Variants in PPP3CB observed in about 807,000 individuals in gnomAD.
The protein encoded by PPP3CB is protein phosphatase 3 catalytic subunit beta, also known as serine/threonine-protein phosphatase 2B catalytic subunit beta isoform.
A neutral mutation model predicts 66.4 loss-of-function variants in PPP3CB; 8 were observed. The observed-to-expected ratio is 0.12, with a 90% CI of 0.07 to 0.22. The LOEUF is 0.22. Among genes scored for constraint, PPP3CB ranks in the 10% least tolerant of loss-of-function variants. PPP3CB has a pLI of 1.00. For synonymous variants in PPP3CB, 208 were observed against 221.2 expected (o/e 0.94, Z 0.53); for missense variants, 319 against 642.5 (o/e 0.50, Z 5.44).
At chr10:73,445,438 CA>C (rs1172369675) in intron 11 of PPP3CB, among the ~76,000 whole-genome samples, 1 of 152,178 alleles carries the variant, frequency 6.6e-6, no homozygotes, top group Non-Finnish European at 1.5e-5. Context: ...CTTCAGTATA[CA>C]AATATATAAA....
intron 4 of PPP3CB, among the ~76,000 whole-genome samples, chr10:73,472,553 G>A (rs1031662207): frequency 8.0e-5 from 12 of 150,686 alleles, no homozygotes; most frequent in Admixed American, 7.9e-4. Flanking sequence ...CACCTTTATC[G>A]GCCAAATAAG....
intron 1 of PPP3CB, among the ~76,000 whole-genome samples, chr10:73,489,675 T>C (rs1209326742): frequency 1.3e-5 from 2 of 152,246 alleles, no homozygotes; most frequent in African/African-American, 4.8e-5. Flanking sequence ...CTTGTGCTTT[T>C]AATCATCCAG....
intron 4 of PPP3CB, among the ~76,000 whole-genome samples, chr10:73,472,668 A>G (rs2056723066): frequency 6.6e-6 from 1 of 152,102 alleles, no homozygotes; most frequent in South Asian, 2.1e-4. Flanking sequence ...AGATGACTAC[A>G]TCATCACAAC....
intron 9 of PPP3CB, among the ~76,000 whole-genome samples, chr10:73,460,386 G>A (rs1242878112): frequency 6.6e-6 from 1 of 151,700 alleles, no homozygotes; most frequent in African/African-American, 2.4e-5. Context: ...AACTAGTACT[G>A]AGAATGTGAA....
At chr10:73,443,726 C>T (rs982843463) in intron 12 of PPP3CB, 2 of 152,026 alleles carry the variant, frequency 1.3e-5, no homozygotes, top group African/African-American at 4.8e-5. Context: ...AGTATTTACA[C>T]AAATATTTAC....
At chr10:73,487,851 C>G (rs1444632250) in intron 1 of PPP3CB, among the ~76,000 whole-genome samples, 3 of 151,250 alleles carry the variant, frequency 2.0e-5, no homozygotes, top group East Asian at 3.9e-4. Context: ...GAGATCTCAG[C>G]TCATGGCAAC....
chr10:73,474,519 G>T (rs973485291), intron 4 of PPP3CB, among the ~76,000 whole-genome samples: 6 of 151,634 alleles, frequency 4.0e-5, no homozygotes, highest in Non-Finnish European at 5.9e-5. Flanking sequence ...TATGACCTCC[G>T]ATTCCCAGGC....
chr10:73,470,550 T>C, intron 8 of PPP3CB, 137 bp downstream of exon 8: 1 of 530,980 alleles, frequency 1.9e-6, no homozygotes, highest in South Asian at 3.9e-5. Context: ...TATTGTTCTC[T>C]CCCCTCCATC....
At chr10:73,470,184 T>C (rs940676848) in intron 8 of PPP3CB, among the ~76,000 whole-genome samples, 3 of 149,802 alleles carry the variant, frequency 2.0e-5, no homozygotes, top group South Asian at 2.2e-4. Flanking sequence ...TGAAACTGAA[T>C]TAATTAAAAA....
At chr10:73,476,437 C>T (rs1301620221) in intron 3 of PPP3CB, among the ~76,000 whole-genome samples, 6 of 151,862 alleles carry the variant, frequency 4.0e-5, no homozygotes, top group Admixed American at 2.0e-4. Context: ...ACCAACATGG[C>T]GAAACTCCAT....
At position 73,438,219 on chromosome 10, in the gene PPP3CB, G is replaced by A. The variant is rs756907370; in HGVS notation, c.*23C>T. The A allele has an allele frequency of 3.1e-6, 5 of 1,603,796 alleles. No homozygotes were observed. Among genetic ancestry groups the A allele is most frequent in the Admixed American group, 3.4e-5 (2 of 59,172 alleles). ...TCTGTCCATTTGGGGCCCGAGATGT[G>A]AGAGTCCCTGGGAAGTAGTGGGTCA... On this transcript the variant is annotated 3_prime_UTR_variant, in exon 14 of 14. Transcript: ENST00000360663.
intron 9 of PPP3CB, among the ~76,000 whole-genome samples, chr10:73,462,724 C>T (rs559460441): frequency 9.2e-5 from 14 of 151,772 alleles, no homozygotes; most frequent in African/African-American, 2.4e-4. Context: ...TTGAGGTGGG[C>T]GGATCACTTG....
intron 1 of PPP3CB, among the ~76,000 whole-genome samples, chr10:73,492,131 TA>T (rs1039816694): frequency 4.6e-5 from 7 of 151,946 alleles, no homozygotes; most frequent in Non-Finnish European, 1.0e-4. Flanking sequence ...TACTTTAGCT[TA>T]AAAAAAATTA....
chr10:73,476,004 A>G (rs1220250377), intron 3 of PPP3CB, among the ~76,000 whole-genome samples: 1 of 150,900 alleles, frequency 6.6e-6, no homozygotes, highest in African/African-American at 2.4e-5. Context: ...CTACAGGCAC[A>G]TGCCACCAGG....
At chr10:73,450,688 T>C (rs771753401) in intron 10 of PPP3CB, among the ~76,000 whole-genome samples, 3 of 152,224 alleles carry the variant, frequency 2.0e-5, no homozygotes, top group African/African-American at 4.8e-5. Context: ...CATAGAAACA[T>C]TGTCATAAAT....
intron 13 of PPP3CB, 93 bp from the exon 14 acceptor site, chr10:73,438,513 AG>A: frequency 9.7e-7 from 1 of 1,027,666 alleles, no homozygotes. Flanking sequence ...GAAAGAAATT[AG>A]TAGCTGTAAG....
chr10:73,487,883 G>A (rs868401802), intron 1 of PPP3CB, among the ~76,000 whole-genome samples: 2 of 151,504 alleles, frequency 1.3e-5, no homozygotes, highest in Non-Finnish European at 2.9e-5. Flanking sequence ...AGGTTCAAGC[G>A]ATTCTCCCTA....
intron 9 of PPP3CB, among the ~76,000 whole-genome samples, chr10:73,461,406 C>G (rs1198362682): frequency 1.3e-5 from 2 of 151,876 alleles, no homozygotes; most frequent in Non-Finnish European, 2.9e-5. Context: ...AAGAACACAC[C>G]ACTGCATTCC....
chr10:73,462,685 C>G (rs2056542566), intron 9 of PPP3CB, among the ~76,000 whole-genome samples: 1 of 152,014 alleles, frequency 6.6e-6, no homozygotes, highest in Non-Finnish European at 1.5e-5. Flanking sequence ...TACAGTGGCT[C>G]ACACCTGTAA....
Sources: allele counts gnomAD v4.1 joint callset (sites outside exome capture counted in the v4.1 genomes callset), GRCh38; gene constraint gnomAD v4.1.1; transcripts MANE v1.5; gene names NCBI Gene and HGNC (gene_info 2026-07-23, HGNC 2026-07-21).